The following PAK3 variants were observed in gnomAD, a reference collection of about 807,000 sequenced individuals.
PAK3 encodes p21 (RAC1) activated kinase 3.
A neutral mutation model predicts 41.0 loss-of-function variants in PAK3; 4 were observed. The observed-to-expected ratio is 0.10, with a 90% CI of 0.05 to 0.22. The LOEUF is 0.22. PAK3 is among the 10% of genes least tolerant of loss of function. The pLI, the probability that PAK3 is intolerant of heterozygous loss-of-function variation, is 1.00. For synonymous variants in PAK3, 146 were observed against 139.6 expected (o/e 1.05, Z -0.32); for missense variants, 205 against 409.9 (o/e 0.50, Z 4.32).
chrX:111,194,451 C>T (rs200662776), intron 14 of PAK3, 33 bp downstream of exon 14: 1 of 746,249 alleles, frequency 1.3e-6, no homozygotes, highest in Non-Finnish European at 2.1e-6. Flanking sequence ...GCTGAGAAGA[C>T]CACCGAAATT....
At chrX:111,158,617 A>G (rs2094135794) in intron 8 of PAK3, among the ~76,000 whole-genome samples, 1 of 112,143 alleles carries the variant, frequency 8.9e-6, no homozygotes, top group Non-Finnish European at 1.9e-5. Context: ...ACTCAATGCC[A>G]TACATTCTTC....
chrX:110,955,807 A>C (rs1041675198), intron 1 of PAK3, among the ~76,000 whole-genome samples: 2 of 112,471 alleles, frequency 1.8e-5, no homozygotes, highest in African/African-American at 6.5e-5. Context: ...TGGAGCAATC[A>C]GATCACTGAA....
chrX:110,948,423 G>A (rs1007436027), intron 1 of PAK3, among the ~76,000 whole-genome samples: 1 of 111,739 alleles, frequency 8.9e-6, no homozygotes, highest in Non-Finnish European at 1.9e-5. Flanking sequence ...CTGGGCTGGA[G>A]TCCTGTTTAC....
chrX:111,223,946 T>A lies in PAK3; in HGVS notation c.*3499T>A, dbSNP rs992001128. 8.9e-6 allele frequency: 1 copy of A among 111,994 alleles called. No homozygotes were observed. The highest frequency in any genetic ancestry group is 1.9e-5 in the Non-Finnish European group (1 of 53,208). The allele number at this position is 111,994 out of a possible 1,213,427, so 9.2% of individuals were successfully genotyped here. A position where few individuals can be genotyped will look rare whatever the true frequency, so the allele number is the denominator to read the frequency against. On this transcript the variant is annotated 3_prime_UTR_variant, in exon 18 of 18. Coordinates refer to ENST00000372007, the MANE Select transcript of PAK3 (RefSeq NM_002578.5). ...GTGGAATTATGTGAATTTTTTTTTC[T>A]TTTTAAAATTTTATTTGATATTGTT...
At position 110,997,926 on chromosome X, in the gene PAK3, G is replaced by A. The variant is rs780987301; in HGVS notation, c.-28+53298G>A. Among the ~76,000 whole-genome samples, 3 of 111,135 alleles carry A rather than the reference G, an allele frequency of 2.7e-5. No individual in the cohort carries two copies. In the East Asian group the frequency reaches 8.6e-4, roughly 32 times the overall value. On this transcript the variant is annotated intron_variant, in intron 1 of 14. Coordinates refer to the PAK3 transcript ENST00000425146. ...AGAAGATGCCGTCTATGAGAAAGCG[G>A]GCCCTCACCAGACACCACCAGCACC...
chrX:111,037,156 G>A (rs961938748), intron 1 of PAK3, among the ~76,000 whole-genome samples: 1 of 111,597 alleles, frequency 9.0e-6, no homozygotes, highest in African/African-American at 3.3e-5. Flanking sequence ...TGTTGGCCAA[G>A]CTGATCTCAA....
intron 4 of PAK3, among the ~76,000 whole-genome samples, chrX:111,111,720 G>A (rs969672650): frequency 2.7e-5 from 3 of 111,631 alleles, no homozygotes; most frequent in African/African-American, 6.5e-5. Context: ...ACTGAGGCAC[G>A]GTTCTATTTG....
At chrX:111,191,611 C>T (rs762308892) in intron 11 of PAK3, among the ~76,000 whole-genome samples, 10 of 111,729 alleles carry the variant, frequency 9.0e-5, no homozygotes, top group Non-Finnish European at 1.7e-4. Flanking sequence ...AAGAACCACT[C>T]GGTTTCTATA....
At chrX:111,072,438 G>A (rs1422891849) in intron 1 of PAK3, among the ~76,000 whole-genome samples, 2 of 112,526 alleles carry the variant, frequency 1.8e-5, no homozygotes, top group Non-Finnish European at 3.8e-5. Context: ...TTGTCACCAG[G>A]CAAGTTTTAG....
intron 1 of PAK3, among the ~76,000 whole-genome samples, chrX:110,946,356 CA>C (rs1556408470): frequency 4.3e-5 from 1 of 23,152 alleles, no homozygotes; most frequent in African/African-American, 1.1e-4. Flanking sequence ...GACTGGTGGC[CA>C]AAAAAAAAAG....
Position 111,123,189 on chromosome X carries a change from A to G in PAK3, c.86A>G (p.Asn29Ser). ...AACAACCGGGATTCTTCAGCACTCAACCACAGCTCCAAACCACTTCCCATG... is the reference window on the plus strand; with the variant it reads ...AACAACCGGGATTCTTCAGCACTCAGCCACAGCTCCAAACCACTTCCCATG... ...NSNNRDSSALNHSSKPLPMAP... is the reference protein window; with the variant it reads ...NSNNRDSSALSHSSKPLPMAP... Residue 29 changes from asparagine to serine, a missense_variant, in exon 5 of 18, where the codon AAC (asparagine) becomes AGC (serine). Physicochemically the swap from Asn to Ser is conservative, Grantham distance 46. Transcript: ENST00000372007. 1.7e-6 allele frequency: 2 copies of G among 1,204,981 alleles called. No homozygotes were observed. The highest frequency in any genetic ancestry group is 3.0e-5 in the East Asian group (1 of 33,817).
At chrX:110,994,916 CT>C (rs1469456273) in intron 1 of PAK3, among the ~76,000 whole-genome samples, 1 of 111,791 alleles carries the variant, frequency 8.9e-6, no homozygotes, top group Non-Finnish European at 1.9e-5. Context: ...ATTATATTAC[CT>C]ACTCCACTGT....
chrX:110,972,973 G>A (rs1351823318), intron 1 of PAK3, among the ~76,000 whole-genome samples: 1 of 111,499 alleles, frequency 9.0e-6, no homozygotes, highest in East Asian at 2.8e-4. Flanking sequence ...AGTGATTGAA[G>A]ATCAAATTAA....
At chrX:110,997,769 A>G (rs2091766403) in intron 1 of PAK3, among the ~76,000 whole-genome samples, 1 of 111,439 alleles carries the variant, frequency 9.0e-6, no homozygotes, top group South Asian at 3.8e-4. Context: ...AAGTGATAGT[A>G]TTAGGAGGTG....
intron 4 of PAK3, among the ~76,000 whole-genome samples, chrX:111,121,954 A>C (rs1308976304): frequency 9.0e-6 from 1 of 111,217 alleles, no homozygotes; most frequent in Non-Finnish European, 1.9e-5. Flanking sequence ...GACACAAGAT[A>C]CTAAAGAATA....
chrX:110,959,362 T>G (rs2090931694), intron 1 of PAK3, among the ~76,000 whole-genome samples: 1 of 111,820 alleles, frequency 8.9e-6, no homozygotes, highest in Non-Finnish European at 1.9e-5. Context: ...TTTCCTCTCC[T>G]AGGGATTTTC....
At chrX:111,050,500 T>C (rs2092547188) in intron 1 of PAK3, among the ~76,000 whole-genome samples, 2 of 112,439 alleles carry the variant, frequency 1.8e-5, no homozygotes, top group South Asian at 7.4e-4. Context: ...AAAGCTTTTT[T>C]TGTAAATCAG....
intron 1 of PAK3, among the ~76,000 whole-genome samples, chrX:110,975,686 A>G (rs1047697812): frequency 8.9e-6 from 1 of 111,972 alleles, no homozygotes; most frequent in Non-Finnish European, 1.9e-5. Flanking sequence ...AGCTGGAGGC[A>G]TCACGCTACC....
chrX:110,952,927 TTC>T (rs2090774971), intron 1 of PAK3, among the ~76,000 whole-genome samples: 2 of 112,186 alleles, frequency 1.8e-5, no homozygotes, highest in African/African-American at 6.5e-5. Context: ...AAACTAGTGT[TTC>T]TCTTTTTAAT....
Sources: gnomAD v4.1 joint callset for allele counts (sites outside exome capture counted in the v4.1 genomes callset) on GRCh38, gnomAD v4.1.1 for gene constraint, MANE v1.5 for transcripts, NCBI Gene and HGNC (gene_info 2026-07-23, HGNC 2026-07-21) for gene names.